DHRS3: variants seen among roughly 807,000 people sequenced by gnomAD.
The protein encoded by DHRS3 is dehydrogenase/reductase 3, also known as short-chain dehydrogenase/reductase 3.
In DHRS3, 14 loss-of-function variants were observed where a neutral mutation model predicts 27.2. That is an observed-to-expected ratio of 0.52 (90% CI 0.34 to 0.81). The LOEUF (loss-of-function observed/expected upper bound fraction) is 0.81, where lower values mean the gene tolerates loss of function less well. Ranked by LOEUF, DHRS3 falls within the 30% of genes least tolerant of loss-of-function variation. The pLI, the probability that DHRS3 is intolerant of heterozygous loss-of-function variation, is 0.01. For synonymous variants in DHRS3, 165 were observed against 175.9 expected (o/e 0.94, Z 0.49); for missense variants, 322 against 406.2 (o/e 0.79, Z 1.78).
intron 1 of DHRS3, among the ~76,000 whole-genome samples, chr1:12,603,934 C>T (rs1178661532): frequency 6.6e-6 from 1 of 152,240 alleles, no homozygotes; most frequent in Non-Finnish European, 1.5e-5. Context: ...CTGCCTCTCA[C>T]ACGAGCTCTC....
At chr1:12,583,386 A>C (rs1336777992) in intron 1 of DHRS3, among the ~76,000 whole-genome samples, 5 of 95,510 alleles carry the variant, frequency 5.2e-5, no homozygotes, top group Admixed American at 1.1e-4. Context: ...ACCCCACCCC[A>C]TCCATCCATC....
At chr1:12,580,262 G>A in intron 2 of DHRS3, 1 of 499,396 alleles carries the variant, frequency 2.0e-6, no homozygotes, top group Non-Finnish European at 3.7e-6. Flanking sequence ...TGGGACATTT[G>A]CCCCGCCACA....
At chr1:12,579,265 G>T in intron 3 of DHRS3, 28 bp downstream of exon 3, 1 of 1,613,984 alleles carries the variant, frequency 6.2e-7, no homozygotes, top group Non-Finnish European at 8.5e-7. Context: ...CACGCCCGGG[G>T]CTGGCTCTGG....
chr1:12,609,029 T>C (rs906121390), intron 1 of DHRS3, among the ~76,000 whole-genome samples: 1 of 152,200 alleles, frequency 6.6e-6, no homozygotes, highest in African/African-American at 2.4e-5. Context: ...TTTGACAAAG[T>C]AGGACTGAAA....
At chr1:12,571,756 A>G (rs541214351) in intron 5 of DHRS3, among the ~76,000 whole-genome samples, 106 of 151,750 alleles carry the variant, frequency 7.0e-4, no homozygotes, top group Non-Finnish European at 8.4e-4. Flanking sequence ...CTGGTCTCGA[A>G]CTCCCAACCT....
intron 2 of DHRS3, chr1:12,580,104 A>G (rs566640129): frequency 5.7e-5 from 17 of 296,120 alleles, no homozygotes; most frequent in Non-Finnish European, 9.9e-5. Flanking sequence ...CACACAGCAT[A>G]TTTATAATAA....
intron 1 of DHRS3, among the ~76,000 whole-genome samples, chr1:12,598,374 C>T (rs917633982): frequency 1.3e-5 from 2 of 150,728 alleles, no homozygotes; most frequent in Non-Finnish European, 2.9e-5. Context: ...GACTCTGTCT[C>T]GGCAAGTAAA....
intron 1 of DHRS3, among the ~76,000 whole-genome samples, chr1:12,613,544 A>G (rs1308528104): frequency 6.6e-6 from 1 of 152,216 alleles, no homozygotes; most frequent in African/African-American, 2.4e-5. Flanking sequence ...CCCCAGGGCT[A>G]GGGATGGGAA....
intron 1 of DHRS3, among the ~76,000 whole-genome samples, chr1:12,583,402 A>G (rs1337080565): frequency 6.5e-5 from 8 of 123,580 alleles, no homozygotes; most frequent in South Asian, 2.8e-4. Context: ...CCATCCATCC[A>G]TCCACTCACC....
In DHRS3 at chr1:12,589,391, C is replaced by CTTT. The variant is rs70987258; in HGVS notation, c.196-8728_196-8726dup. Among the ~76,000 whole-genome samples the CTTT allele has an allele frequency of 1.3e-3, 182 of 136,412 alleles. 1 individual carries two copies. In the East Asian group the frequency reaches 0.026, roughly 19 times the overall value. The allele number at this position is 136,412 out of a possible 152,430, so 89.5% of individuals were successfully genotyped here. A position where few individuals can be genotyped will look rare whatever the true frequency, so the allele number is the denominator to read the frequency against. ...ACTCTTTTTCTTTTCTTTTCTTTTT[C>CTTT]TTTTTTTTTTTTTTTGAGATGGAGG... On this transcript the variant is annotated intron_variant, in intron 1 of 5. Transcript: ENST00000616661.
chr1:12,568,887 G>A (rs905538381), intron 5 of DHRS3, among the ~76,000 whole-genome samples: 2 of 152,060 alleles, frequency 1.3e-5, no homozygotes, highest in Admixed American at 6.6e-5. Flanking sequence ...AGATTGTACC[G>A]CTGCATTCCA....
In DHRS3 at chr1:12,586,465, A is replaced by G. The variant is rs1570373477; in HGVS notation, c.196-5799T>C. ...TCCAATGTCCACAACAGCCCCGTCC[A>G]TCCAGCACCACACGGACAGCCGGCT... On this transcript the variant is annotated intron_variant, in intron 1 of 5. Coordinates refer to ENST00000616661, the MANE Select transcript of DHRS3 (RefSeq NM_004753.7). The surrounding 1 kb of genome is among the most constrained non-coding windows in gnomAD (Gnocchi z 5.0). Among the ~76,000 whole-genome samples the G allele has an allele frequency of 6.6e-6, 1 of 151,436 alleles. No individual in the cohort carries two copies. Among genetic ancestry groups the G allele is most frequent in the South Asian group, 2.1e-4 (1 of 4,800 alleles).
intron 1 of DHRS3, among the ~76,000 whole-genome samples, chr1:12,603,719 C>T (rs1212570650): frequency 1.3e-5 from 2 of 152,188 alleles, no homozygotes; most frequent in Non-Finnish European, 2.9e-5. Context: ...ATACGCTTCA[C>T]TCATCAAAAT....
In DHRS3 at chr1:12,591,180, G is replaced by A. The variant is rs1051028702; in HGVS notation, c.196-10514C>T. On this transcript the variant is annotated intron_variant, in intron 1 of 5. Coordinates refer to ENST00000616661, the MANE Select transcript of DHRS3 (RefSeq NM_004753.7). This position sits in a 1 kb window ranked among gnomAD's most constrained non-coding sequence, Gnocchi z 4.1. ...AAAATAGTAACAGCTAGCATTTATTGGTGTAGCCCTAGGTCGTTACAGGTG... is the reference window on the plus strand; with the variant it reads ...AAAATAGTAACAGCTAGCATTTATTAGTGTAGCCCTAGGTCGTTACAGGTG... 6.6e-6 allele frequency among the ~76,000 whole-genome samples: 1 copy of A among 152,186 alleles called. No individual in the cohort carries two copies. The highest frequency in any genetic ancestry group is 2.4e-5 in the African/African-American group (1 of 41,446).
chr1:12,618,098 G>T lies in DHRS3; in HGVS notation c.-750C>A, dbSNP rs532387331. 6.6e-6 allele frequency among the ~76,000 whole-genome samples: 1 copy of T among 152,212 alleles called. No homozygotes were observed. Among genetic ancestry groups the T allele is most frequent in the South Asian group, 2.1e-4 (1 of 4,820 alleles). On this transcript the variant is annotated 5_prime_UTR_variant, in exon 1 of 6. Transcript: ENST00000616661. The surrounding 1 kb of genome is among the most constrained non-coding windows in gnomAD (Gnocchi z 4.2). ...TCCCTCCCTCTCTGTTCCAGCAGAGGCTGGGAGTTGCCGCTCGATCCAGCT... is the reference window on the plus strand; with the variant it reads ...TCCCTCCCTCTCTGTTCCAGCAGAGTCTGGGAGTTGCCGCTCGATCCAGCT...
chr1:12,587,308 A>G lies in DHRS3; in HGVS notation c.196-6642T>C, dbSNP rs1646705182. ...GAGGTGCAAGCCACTACTCCTGGCT[A>G]ATTTTTATATTTTTTGTAGAGATGG... On this transcript the variant is annotated intron_variant, in intron 1 of 5. Transcript: ENST00000616661. Among the ~76,000 whole-genome samples the G allele has an allele frequency of 2.0e-5, 3 of 151,670 alleles. No individual in the cohort carries two copies. In the South Asian group the frequency reaches 6.3e-4, roughly 32 times the overall value.
At chr1:12,616,118 C>T (rs1381012624) in intron 1 of DHRS3, among the ~76,000 whole-genome samples, 2 of 152,268 alleles carry the variant, frequency 1.3e-5, no homozygotes, top group African/African-American at 4.8e-5. Flanking sequence ...TGGTTTTCTA[C>T]AGTACATATT....
rs778142646 is a variant in DHRS3 at position 12,579,299 on chromosome 1, C to G, written c.453G>C (p.Gln151His). 3 of 1,614,152 alleles carry G rather than the reference C, an allele frequency of 1.9e-6. No homozygotes were observed. In the South Asian group the frequency reaches 3.3e-5, roughly 18 times the overall value. The change falls in exon 3 of 6, where the codon CAG becomes CAC. Residue 151 changes from glutamine to histidine, a missense_variant. Transcript: ENST00000616661. ...GGCCCCGGATAGCCCTTACCCAGAA[C>G]TGGCCCAGGGTGTTGATGTGTTGGG... ...LKSQHINTLG[Q>H]FWTTKAFLPR...
chr1:12,597,912 C>G (rs559593373), intron 1 of DHRS3, among the ~76,000 whole-genome samples: 1 of 152,234 alleles, frequency 6.6e-6, no homozygotes, highest in South Asian at 2.1e-4. Flanking sequence ...CTGGGTCACA[C>G]CCAGGAAGCC....
Sources: allele counts gnomAD v4.1 joint callset (sites outside exome capture counted in the v4.1 genomes callset), GRCh38; gene constraint gnomAD v4.1.1; non-coding constraint Gnocchi (gnomAD v3.1); transcripts MANE v1.5; gene names NCBI Gene and HGNC (gene_info 2026-07-23, HGNC 2026-07-21).